EEF1D: variants seen among roughly 807,000 people sequenced by gnomAD.
EEF1D encodes elongation factor 1-delta.
Under a neutral mutation model 63.9 loss-of-function variants are expected in EEF1D, and 47 were observed. The ratio of observed to expected loss-of-function variants is 0.74; its 90% confidence interval spans 0.58 to 0.94. The LOEUF is 0.94. EEF1D is among the 40% of genes least tolerant of loss of function. The pLI is 0.00. For synonymous variants in EEF1D, 412 were observed against 386.1 expected, an observed-to-expected ratio of 1.07 and a Z score of -0.79; for missense variants, 907 against 899.0, an observed-to-expected ratio of 1.01 and a Z score of -0.11.
intron 7 of EEF1D, 95 bp downstream of exon 7, chr8:143,580,959 C>T: frequency 1.4e-6 from 2 of 1,388,866 alleles, no homozygotes; most frequent in Non-Finnish European, 1.0e-6. Flanking sequence ...TGGCTGCCAG[C>T]TCATCACTGC....
chr8:143,593,965 C>T (rs1293606758), intron 1 of EEF1D: 1 of 968,962 alleles, frequency 1.0e-6, no homozygotes, highest in East Asian at 1.1e-4. Context: ...AGCCTCTCCT[C>T]TCCAGCAGGA....
intron 8 of EEF1D, 108 bp from the exon 9 acceptor site, chr8:143,580,314 T>A: frequency 7.6e-7 from 1 of 1,312,876 alleles, no homozygotes; most frequent in South Asian, 1.4e-5. Context: ...TTCTGTTTCC[T>A]TAAAGGGCCC....
chr8:143,593,860 C>G, intron 1 of EEF1D: 1 of 985,440 alleles, frequency 1.0e-6, no homozygotes, highest in Non-Finnish European at 1.2e-6. Flanking sequence ...CCCGCATTCC[C>G]AAGCATGGGA....
chr8:143,588,351 C>G (rs1471494404), intron 3 of EEF1D, among the ~76,000 whole-genome samples: 1 of 152,214 alleles, frequency 6.6e-6, no homozygotes, highest in African/African-American at 2.4e-5. Context: ...AATCGTCCAC[C>G]CACCTGCCTG....
At position 143,589,045 on chromosome 8, in the gene EEF1D, A is replaced by G. The variant is rs779053675; in HGVS notation, c.1037T>C (p.Leu346Pro). Residue 346 changes from leucine to proline, a missense_variant, in exon 3 of 10, where the codon CTG becomes CCG. Transcript: ENST00000618139. ...AGACCGAGGACCGGGTCGGTGAGAC[A>G]GGGAGGCAGCTTCGAGGCACCAGGC... Reference protein sequence around the residue: ...RVAWCLEAASLSHRPGPRSGL... With the variant: ...RVAWCLEAASPSHRPGPRSGL... 5.0e-6 allele frequency: 8 copies of G among 1,605,776 alleles called. No individual in the cohort carries two copies. The highest frequency in any genetic ancestry group is 2.5e-6 in the Non-Finnish European group (3 of 1,179,552).
In EEF1D at chr8:143,580,532, A is replaced by T; in HGVS notation, c.1684T>A (p.Ser562Thr). 1 of 1,612,790 alleles carries T rather than the reference A, an allele frequency of 6.2e-7. No homozygotes were observed. Among genetic ancestry groups the T allele is most frequent in the Non-Finnish European group, 8.5e-7 (1 of 1,179,808 alleles). ...GGCTTGACATCCAGCAGGATGGAGGACTTGGCCACCAGTGCAGGCTTCTTG... is the reference window on the plus strand; with the variant it reads ...GGCTTGACATCCAGCAGGATGGAGGTCTTGGCCACCAGTGCAGGCTTCTTG... ...KAKKPALVAK[S>T]SILLDVKPWD... The change falls in exon 8 of 10, where the codon TCC becomes ACC. Residue 562 changes from serine (S) to threonine (T), a missense_variant. Physicochemically the swap from Ser to Thr is moderately conservative, Grantham distance 58. Coordinates refer to ENST00000618139, the MANE Select transcript of EEF1D (RefSeq NM_001130053.5).
intron 5 of EEF1D, chr8:143,585,912 C>T (rs1338596577): frequency 2.5e-6 from 1 of 397,564 alleles, no homozygotes; most frequent in African/African-American, 2.0e-5. Context: ...GGCACAGGCT[C>T]TCATGCCAGG....
At position 143,590,164 on chromosome 8, in the gene EEF1D, G is replaced by A. The variant is rs183257326; in HGVS notation, c.1-83C>T. 4.4e-3 allele frequency: 5,600 copies of A among 1,263,628 alleles called. 12 individuals are homozygous for A. The highest frequency in any genetic ancestry group is 5.2e-3 in the Non-Finnish European group (5,107 of 980,438). 78.3% of individuals were successfully genotyped at this position (1,263,628 alleles called of 1,614,324 possible). On this transcript the variant is annotated intron_variant, in intron 2 of 9. Transcript: ENST00000618139. Reference sequence around the variant, plus strand: ...CCGCAGCCCCGTGCCCACCCTCCCCGTGCCCGCCCTCCCCGTGGCTGCCCT... The same window carrying A: ...CCGCAGCCCCGTGCCCACCCTCCCCATGCCCGCCCTCCCCGTGGCTGCCCT...
In EEF1D at chr8:143,580,641, C is replaced by T. The variant is rs764344351; in HGVS notation, c.1575G>A (p.Leu525=). 2.5e-6 allele frequency: 4 copies of T among 1,613,826 alleles called. No individual in the cohort carries two copies. The African/African-American group carries it at 4.0e-5, about 16-fold the overall frequency. Residue 525 remains leucine, a synonymous_variant, in exon 8 of 10, where the codon CTG becomes CTA. Transcript: ENST00000618139. The part of the protein sequence containing the change: ...AEDDEDDDID[L]FGSDNEEEDK... ...CCTCCTCCTCATTGTCACTGCCAAA[C>T]AGGTCAATGTCATCATCCTCGTCAT...
chr8:143,579,975 T>TCTCCTCTCCC lies in EEF1D; in HGVS notation c.1905+27_1905+36dup, dbSNP rs574744290. The stretch of plus-strand genomic sequence containing the variant: ...GCAGGGTATGGGCCAGGGTCCCCAG[T>TCTCCTCTCCC]CTCCTCTCCCCTCCTCTCCCCGGCC... On this transcript the variant is annotated intron_variant, in intron 9 of 9. Transcript: ENST00000618139. 9 of 1,597,206 alleles carry TCTCCTCTCCC rather than the reference T, an allele frequency of 5.6e-6. No individual in the cohort carries two copies. The South Asian group carries it at 7.9e-5, about 14-fold the overall frequency.
chr8:143,588,827 C>T, intron 3 of EEF1D, 164 bp downstream of exon 3: 2 of 959,520 alleles, frequency 2.1e-6, no homozygotes, highest in Non-Finnish European at 3.0e-6. Context: ...CGCAGCACCA[C>T]CTTTACTCAG....
At chr8:143,590,134 G>A (rs1563985891) in intron 2 of EEF1D, 53 bp from the exon 3 acceptor site, 18 of 1,597,532 alleles carry the variant, frequency 1.1e-5, no homozygotes, top group African/African-American at 6.7e-5. Context: ...CAACACAGCG[G>A]GTGGCCGCAG....
At chr8:143,588,543 T>C (rs968531726) in intron 3 of EEF1D, among the ~76,000 whole-genome samples, 3 of 151,996 alleles carry the variant, frequency 2.0e-5, no homozygotes, top group African/African-American at 7.3e-5. Context: ...AAGCTGGGGG[T>C]GCACAGGATG....
Position 143,588,826 on chromosome 8 carries a change from A to G in EEF1D, c.1091+165T>C, listed in dbSNP as rs1008685465. On this transcript the variant is annotated intron_variant, in intron 3 of 9. Coordinates refer to ENST00000618139, the MANE Select transcript of EEF1D (RefSeq NM_001130053.5). ...CCCTGGAACCCACAAGCGCAGCACC[A>G]CCTTTACTCAGCCTGCTCCTGCATT... 6.7e-5 allele frequency: 63 copies of G among 941,032 alleles called. No homozygotes were observed. The African/African-American group carries it at 8.5e-4, about 13-fold the overall frequency. 58.3% of individuals were successfully genotyped at this position (941,032 alleles called of 1,614,324 possible).
chr8:143,586,309 G>T lies in EEF1D; in HGVS notation c.1216-19C>A. ...CGTTCTCCTGCAGACAGTGCAGAAA[G>T]AACCAGTCTTTTTTTTATTATTAAA... On this transcript the variant is annotated intron_variant, in intron 4 of 9. Coordinates refer to ENST00000618139, the MANE Select transcript of EEF1D (RefSeq NM_001130053.5). 2 of 1,527,354 alleles carry T rather than the reference G, an allele frequency of 1.3e-6. No individual in the cohort carries two copies. The highest frequency in any genetic ancestry group is 2.6e-5 in the South Asian group (2 of 78,398). The allele number at this position is 1,527,354 out of a possible 1,614,324, so 94.6% of individuals were successfully genotyped here.
At position 143,586,832 on chromosome 8, in the gene EEF1D, A is replaced by C; in HGVS notation, c.1112T>G (p.Phe371Cys). ...LRPNRKMATN[F>C]LAHEKIWFDK... ...GAACCAGATCTTCTCATGTGCTAGG[A>C]AGTTTGTAGCCATTTTTCTGCTGGG... is the stretch of plus-strand genomic sequence containing the variant. The change falls in exon 4 of 10, where the codon TTC becomes TGC. Residue 371 changes from phenylalanine (F) to cysteine (C), a missense_variant. Transcript: ENST00000618139. 14 of 1,614,000 alleles carry C rather than the reference A, an allele frequency of 8.7e-6. No individual in the cohort carries two copies. Among genetic ancestry groups the C allele is most frequent in the Non-Finnish European group, 1.1e-5 (13 of 1,179,910 alleles).
At chr8:143,588,475 T>G (rs987113793) in intron 3 of EEF1D, among the ~76,000 whole-genome samples, 1 of 152,232 alleles carries the variant, frequency 6.6e-6, no homozygotes, top group Non-Finnish European at 1.5e-5. Flanking sequence ...ACCAGCCACA[T>G]GCCCATGCAT....
rs1295647448 is a variant in EEF1D, at chr8:143,590,397, C to T, written c.1-316G>A. On this transcript the variant is annotated intron_variant, in intron 2 of 9. Transcript: ENST00000618139. ...ATAATTTTGTTAGTGAATGTATGGC[C>T]CATGAAGTATCTGAGACATACTTAC... 4.8e-6 allele frequency: 3 copies of T among 624,526 alleles called. No homozygotes were observed. The Admixed American group carries it at 9.7e-5, about 20-fold the overall frequency. 38.7% of individuals were successfully genotyped at this position (624,526 alleles called of 1,614,324 possible).
At position 143,590,034 on chromosome 8, in the gene EEF1D, G is replaced by T. The variant is rs749651006; in HGVS notation, c.48C>A (p.Asp16Glu). ...ASCTLETVWE[D>E]KHKYEEAERR... The stretch of plus-strand genomic sequence containing the variant: ...GCTCGGCCTCCTCATACTTGTGCTT[G>T]TCTTCCCACACGGTCTCCAGGGTGC... Residue 16 changes from aspartate to glutamate, a missense_variant, in exon 3 of 10, where the codon GAC becomes GAA. Transcript: ENST00000618139. 5.2e-5 allele frequency: 83 copies of T among 1,599,004 alleles called. No individual in the cohort carries two copies. Among genetic ancestry groups the T allele is most frequent in the Non-Finnish European group, 6.1e-5 (72 of 1,179,872 alleles).
Sources: gnomAD v4.1 joint callset for allele counts (sites outside exome capture counted in the v4.1 genomes callset) on GRCh38, gnomAD v4.1.1 for gene constraint, MANE v1.5 for transcripts, NCBI Gene and HGNC (gene_info 2026-07-23, HGNC 2026-07-21) for gene names.